Variants in PCDH11Y observed in about 807,000 individuals in gnomAD.
PCDH11Y encodes the protein protocadherin-11 Y-linked.
For missense variants in PCDH11Y, 12 were observed against 224.8 expected, an observed-to-expected ratio of 0.05 and a Z score of 6.05; for synonymous variants, 9 against 83.6, an observed-to-expected ratio of 0.11 and a Z score of 4.87.
intron 4 of PCDH11Y, among the ~76,000 whole-genome samples, chrY:5,665,650 A>C: frequency 3.0e-5 from 1 of 33,432 alleles, no homozygotes; most frequent in Non-Finnish European, 7.4e-5. Flanking sequence ...TATATATAAC[A>C]CTTTTTTCAA....
At chrY:5,519,740 C>G in intron 3 of PCDH11Y, among the ~76,000 whole-genome samples, 1 of 29,665 alleles carries the variant, frequency 3.4e-5, no homozygotes, top group Non-Finnish European at 8.0e-5. Flanking sequence ...TGCTCTATTA[C>G]TAGTCTATCT....
intron 2 of PCDH11Y, among the ~76,000 whole-genome samples, chrY:5,348,280 G>A (rs2053154430): frequency 6.3e-5 from 2 of 31,549 alleles, no homozygotes; most frequent in East Asian, 8.4e-4. Flanking sequence ...AAATCAGGCC[G>A]TTGGCCATCC....
intron 2 of PCDH11Y, among the ~76,000 whole-genome samples, chrY:5,248,707 G>A: frequency 3.1e-5 from 1 of 32,042 alleles, no homozygotes; most frequent in Non-Finnish European, 7.6e-5. Flanking sequence ...ATTCAACATG[G>A]TGTTGGAAGT....
chrY:5,052,072 G>A (rs2052653450), upstream of PCDH11Y, among the ~76,000 whole-genome samples: 176 of 32,816 alleles, frequency 5.4e-3, no homozygotes, highest in African/African-American at 0.02. Context: ...AGCTTTGCTT[G>A]TATTTGAGAC....
At chrY:5,326,199 T>C in intron 2 of PCDH11Y, among the ~76,000 whole-genome samples, 1 of 32,887 alleles carries the variant, frequency 3.0e-5, no homozygotes, top group Non-Finnish European at 7.4e-5. Flanking sequence ...GCGGAGGCCT[T>C]CTCAGACCCT....
chrY:5,600,297 C>T (rs2053471638), intron 4 of PCDH11Y, among the ~76,000 whole-genome samples: 1 of 29,513 alleles, frequency 3.4e-5, no homozygotes, highest in Non-Finnish European at 8.0e-5. Flanking sequence ...TGCACCACCA[C>T]GCCTGGCTAA....
At chrY:5,622,678 G>C in intron 4 of PCDH11Y, among the ~76,000 whole-genome samples, 2 of 32,221 alleles carry the variant, frequency 6.2e-5, no homozygotes, top group Non-Finnish European at 1.5e-4. Flanking sequence ...TGATAAACTA[G>C]ATAAAGAAAA....
intron 2 of PCDH11Y, among the ~76,000 whole-genome samples, chrY:5,356,456 C>G: frequency 3.2e-5 from 1 of 31,248 alleles, no homozygotes; most frequent in Non-Finnish European, 7.7e-5. Context: ...CCTAAATGGG[C>G]CTTGTTAAGA....
intron 1 of PCDH11Y, among the ~76,000 whole-genome samples, chrY:5,013,502 G>C: frequency 3.1e-5 from 1 of 32,519 alleles, no homozygotes; most frequent in African/African-American, 1.2e-4. Context: ...GGCAGTGAAG[G>C]TTGAGCAATA....
intron 2 of PCDH11Y, among the ~76,000 whole-genome samples, chrY:5,226,934 G>A: frequency 9.9e-5 from 3 of 30,418 alleles, no homozygotes; most frequent in Non-Finnish European, 2.4e-4. Flanking sequence ...GGTCTTTTGT[G>A]GTTTCATATT....
intron 2 of PCDH11Y, among the ~76,000 whole-genome samples, chrY:5,404,466 G>A: frequency 3.0e-5 from 1 of 33,094 alleles, no homozygotes; most frequent in African/African-American, 1.2e-4. Flanking sequence ...CCATTTGTAT[G>A]TATGTATATT....
chrY:5,360,054 T>C (rs2053173072), intron 2 of PCDH11Y, among the ~76,000 whole-genome samples: 1 of 32,152 alleles, frequency 3.1e-5, no homozygotes, highest in Non-Finnish European at 7.6e-5. Flanking sequence ...TTCTATGTGG[T>C]AGGCATGATT....
downstream of PCDH11Y, among the ~76,000 whole-genome samples, chrY:5,109,369 G>C (rs2124638700): frequency 3.0e-5 from 1 of 33,805 alleles, no homozygotes; most frequent in Non-Finnish European, 7.4e-5. Context: ...ATTGTATAAA[G>C]TTTTTAGATG....
intron 4 of PCDH11Y, among the ~76,000 whole-genome samples, chrY:5,689,859 C>G (rs2124710661): frequency 4.3e-5 from 1 of 23,472 alleles, no homozygotes; most frequent in East Asian, 1.0e-3. Context: ...ATGCCTACCC[C>G]AGGGTACTCC....
At chrY:5,297,827 G>C in intron 2 of PCDH11Y, among the ~76,000 whole-genome samples, 1 of 33,330 alleles carries the variant, frequency 3.0e-5, no homozygotes, top group South Asian at 6.7e-4. Context: ...TGAAGTTAAA[G>C]CCGTGTACTA....
chrY:5,116,112 T>C (rs2052810596), intron 2 of PCDH11Y, among the ~76,000 whole-genome samples: 1 of 33,827 alleles, frequency 3.0e-5, no homozygotes, highest in Non-Finnish European at 7.3e-5. Flanking sequence ...CTAAATTATA[T>C]GTAGGAAACA....
chrY:5,623,782 G>GA (rs2053503586), intron 4 of PCDH11Y, among the ~76,000 whole-genome samples: 1 of 32,801 alleles, frequency 3.0e-5, no homozygotes, highest in East Asian at 8.1e-4. Context: ...GTGCTGTGAT[G>GA]AAAATATGTT....
At chrY:5,729,056 A>G in intron 4 of PCDH11Y, among the ~76,000 whole-genome samples, 1 of 33,545 alleles carries the variant, frequency 3.0e-5, no homozygotes, top group African/African-American at 1.2e-4. Context: ...TGTCTTTGCT[A>G]TTGTGAACAG....
chrY:5,357,237 A>G (rs2053168595), intron 2 of PCDH11Y, among the ~76,000 whole-genome samples: 15 of 16,824 alleles, frequency 8.9e-4, no homozygotes, highest in Admixed American at 1.8e-3. Flanking sequence ...ATATACGTGT[A>G]TATATATATA....
Sources: gnomAD v4.1 joint callset for allele counts (sites outside exome capture counted in the v4.1 genomes callset) on GRCh38, gnomAD v4.1.1 for gene constraint, MANE v1.5 for transcripts, NCBI Gene and HGNC (gene_info 2026-07-23, HGNC 2026-07-21) for gene names.